DGKB: variants seen among roughly 807,000 people sequenced by gnomAD.
The protein encoded by DGKB is diacylglycerol kinase beta.
DGKB carries 67 observed loss-of-function variants against 114.3 expected under a neutral mutation model. That is an observed-to-expected ratio of 0.59 (90% CI 0.48 to 0.72). The LOEUF is 0.72. DGKB is among the 30% of genes least tolerant of loss of function. DGKB has a pLI of 0.00. For synonymous variants in DGKB, 398 were observed against 323.1 expected, an observed-to-expected ratio of 1.23 and a Z score of -2.49; for missense variants, 907 against 975.2, an observed-to-expected ratio of 0.93 and a Z score of 0.93.
intron 21 of DGKB, among the ~76,000 whole-genome samples, chr7:14,461,520 C>T (rs534514238): frequency 2.0e-5 from 3 of 152,140 alleles, no homozygotes; most frequent in African/African-American, 7.2e-5. Flanking sequence ...CGGATAAATT[C>T]CTGGACACAT....
At chr7:14,843,008 G>A (rs1268633815) in intron 1 of DGKB, among the ~76,000 whole-genome samples, 1 of 152,078 alleles carries the variant, frequency 6.6e-6, no homozygotes, top group Non-Finnish European at 1.5e-5. Context: ...AGGTGTTTGA[G>A]ACCAGCCTGG....
intron 13 of DGKB, among the ~76,000 whole-genome samples, chr7:14,668,231 G>A (rs1205024877): frequency 6.6e-6 from 1 of 152,092 alleles, no homozygotes; most frequent in Non-Finnish European, 1.5e-5. Flanking sequence ...ATACAAGACA[G>A]TCACAGTTGG....
chr7:14,693,238 G>C (rs914123244), intron 9 of DGKB, among the ~76,000 whole-genome samples: 3 of 151,916 alleles, frequency 2.0e-5, no homozygotes, highest in African/African-American at 7.3e-5. Context: ...AAATTAAGTA[G>C]ACATGTTATT....
chr7:14,497,068 A>G (rs1785408323), intron 20 of DGKB, among the ~76,000 whole-genome samples: 1 of 151,836 alleles, frequency 6.6e-6, no homozygotes, highest in African/African-American at 2.4e-5. Context: ...CCACTATTCT[A>G]AGTGAAGTAA....
chr7:14,197,703 G>A (rs112702074), intron 23 of DGKB, among the ~76,000 whole-genome samples: 41 of 152,068 alleles, frequency 2.7e-4, no homozygotes, highest in African/African-American at 9.9e-4. Context: ...TTTCTTTTAG[G>A]TAAAAATGCA....
chr7:14,565,305 G>T (rs753784978), intron 20 of DGKB, among the ~76,000 whole-genome samples: 1 of 152,072 alleles, frequency 6.6e-6, no homozygotes, highest in Non-Finnish European at 1.5e-5. Context: ...ATATATGAGG[G>T]AGACCAGCAT....
chr7:14,588,752 G>T (rs1434121149), intron 17 of DGKB, among the ~76,000 whole-genome samples: 1 of 151,706 alleles, frequency 6.6e-6, no homozygotes, highest in Non-Finnish European at 1.5e-5. Flanking sequence ...ATTCTCTATT[G>T]TGTTTTACTC....
At chr7:14,357,779 T>C (rs1814868879) in intron 21 of DGKB, among the ~76,000 whole-genome samples, 1 of 152,224 alleles carries the variant, frequency 6.6e-6, no homozygotes, top group South Asian at 2.1e-4. Context: ...GGAACTCTTG[T>C]AAGGCAGGCT....
intron 21 of DGKB, among the ~76,000 whole-genome samples, chr7:14,375,648 G>T (rs1054003024): frequency 6.6e-6 from 1 of 152,168 alleles, no homozygotes; most frequent in Admixed American, 6.5e-5. Flanking sequence ...TTCTCAGGTA[G>T]GATTTCTTGA....
chr7:14,919,086 AC>A, intron 1 of DGKB, among the ~76,000 whole-genome samples: 2 of 123,164 alleles, frequency 1.6e-5, no homozygotes, highest in Non-Finnish European at 3.4e-5. Context: ...ACACACACAC[AC>A]ACACACAAAC....
intron 2 of DGKB, among the ~76,000 whole-genome samples, chr7:14,815,641 G>A (rs1161506482): frequency 3.3e-5 from 5 of 152,146 alleles, no homozygotes; most frequent in Non-Finnish European, 7.3e-5. Context: ...TGATCTCTAG[G>A]AGTGGCTCTC....
intron 2 of DGKB, among the ~76,000 whole-genome samples, chr7:14,838,424 A>C (rs1847448250): frequency 6.6e-6 from 1 of 152,180 alleles, no homozygotes; most frequent in South Asian, 2.1e-4. Flanking sequence ...TTAATAAACA[A>C]GCCAAATTCA....
intron 1 of DGKB, among the ~76,000 whole-genome samples, chr7:14,898,625 C>A (rs1782489945): frequency 6.6e-6 from 1 of 152,042 alleles, no homozygotes; most frequent in African/African-American, 2.4e-5. Context: ...CTGATTTTAG[C>A]ACCACATTCA....
intron 4 of DGKB, among the ~76,000 whole-genome samples, chr7:14,740,935 G>C (rs562145691): frequency 2.6e-5 from 4 of 152,194 alleles, no homozygotes; most frequent in African/African-American, 9.6e-5. Context: ...ATGTACCCTG[G>C]GCATTCGATA....
intron 2 of DGKB, among the ~76,000 whole-genome samples, chr7:14,786,851 G>T (rs1839973183): frequency 6.6e-6 from 1 of 152,042 alleles, no homozygotes; most frequent in Non-Finnish European, 1.5e-5. Flanking sequence ...GTGCCCCTTT[G>T]CATGAACAGC....
intron 21 of DGKB, among the ~76,000 whole-genome samples, chr7:14,353,848 G>A (rs1203974856): frequency 6.6e-6 from 1 of 152,164 alleles, no homozygotes; most frequent in Non-Finnish European, 1.5e-5. Context: ...GCCAAGATAT[G>A]CAGATATCAC....
At chr7:14,788,613 C>A (rs1840221820) in intron 2 of DGKB, among the ~76,000 whole-genome samples, 1 of 152,172 alleles carries the variant, frequency 6.6e-6, no homozygotes, top group African/African-American at 2.4e-5. Context: ...CCATATCACT[C>A]AGAACCTGCA....
intron 20 of DGKB, among the ~76,000 whole-genome samples, chr7:14,478,476 A>T (rs1205920707): frequency 6.6e-6 from 1 of 152,122 alleles, no homozygotes; most frequent in Non-Finnish European, 1.5e-5. Flanking sequence ...CTAAGACTTT[A>T]TTGCTATTTA....
At chr7:14,719,559 G>A (rs1470657301) in intron 5 of DGKB, among the ~76,000 whole-genome samples, 1 of 151,838 alleles carries the variant, frequency 6.6e-6, no homozygotes, top group African/African-American at 2.4e-5. Flanking sequence ...TGGGTTGAGT[G>A]GCTACTAGAT....
Sources: allele counts gnomAD v4.1 joint callset (sites outside exome capture counted in the v4.1 genomes callset), GRCh38; gene constraint gnomAD v4.1.1; transcripts MANE v1.5; gene names NCBI Gene and HGNC (gene_info 2026-07-23, HGNC 2026-07-21).